DMD: variants seen among roughly 807,000 people sequenced by gnomAD.
DMD encodes dystrophin, also known as mutant dystrophin.
A neutral mutation model predicts 330.1 loss-of-function variants in DMD; 63 were observed. The observed-to-expected ratio is 0.19, with a 90% CI of 0.16 to 0.24. The LOEUF (loss-of-function observed/expected upper bound fraction) is 0.24, where lower values mean the gene tolerates loss of function less well. Among genes scored for constraint, DMD ranks in the 10% least tolerant of loss-of-function variants. The probability of loss-of-function intolerance (pLI) is 1.00; values close to 1 mark genes in which losing one functional copy is unlikely to be tolerated. For synonymous variants in DMD, 1,223 were observed against 959.8 expected, an observed-to-expected ratio of 1.27 and a Z score of -5.07; for missense variants, 3,344 against 2,684.1, an observed-to-expected ratio of 1.25 and a Z score of -5.43.
intron 52 of DMD, among the ~76,000 whole-genome samples, chrX:31,696,403 G>A (rs972309881): frequency 8.9e-6 from 1 of 111,920 alleles, no homozygotes; most frequent in Non-Finnish European, 1.9e-5. Context: ...ATGACTGTTC[G>A]ATTCCTTCAT....
chrX:32,922,965 A>T (rs1171793205), intron 2 of DMD, among the ~76,000 whole-genome samples: 1 of 112,305 alleles, frequency 8.9e-6, no homozygotes, highest in Non-Finnish European at 1.9e-5. Flanking sequence ...GTAAAATAGG[A>T]GTACTATAAC....
chrX:33,051,871 A>C (rs770719309), intron 1 of DMD, among the ~76,000 whole-genome samples: 24 of 108,737 alleles, frequency 2.2e-4, no homozygotes, highest in African/African-American at 6.7e-4. Flanking sequence ...CCAGTCTCGA[A>C]CTCCTGACCT....
intron 47 of DMD, among the ~76,000 whole-genome samples, chrX:31,894,687 A>G (rs1003627365): frequency 8.9e-6 from 1 of 112,144 alleles, no homozygotes; most frequent in African/African-American, 3.2e-5. Context: ...AAGTCTACAC[A>G]TCGCTGTCCA....
chrX:32,799,097 T>C (rs897724239), intron 7 of DMD, among the ~76,000 whole-genome samples: 2 of 111,430 alleles, frequency 1.8e-5, no homozygotes, highest in Non-Finnish European at 3.8e-5. Flanking sequence ...AAATCCTGCA[T>C]GCATACAAAG....
chrX:31,995,448 AG>A (rs2095578480), intron 44 of DMD, among the ~76,000 whole-genome samples: 1 of 112,331 alleles, frequency 8.9e-6, no homozygotes, highest in African/African-American at 3.2e-5. Flanking sequence ...CTTTATAATA[AG>A]AAAAAAGAAA....
At chrX:32,797,965 T>A (rs2076293745) in intron 7 of DMD, among the ~76,000 whole-genome samples, 1 of 111,865 alleles carries the variant, frequency 8.9e-6, no homozygotes, top group Non-Finnish European at 1.9e-5. Flanking sequence ...ACTTCATTAT[T>A]TAAATTCCCC....
At chrX:31,150,811 A>G (rs2037323890) in intron 74 of DMD, among the ~76,000 whole-genome samples, 1 of 112,246 alleles carries the variant, frequency 8.9e-6, no homozygotes, top group Admixed American at 9.4e-5. Flanking sequence ...GGAAGCAGAA[A>G]GAAAACCCAA....
chrX:31,223,176 C>A, intron 63 of DMD, 55 bp from the exon 64 acceptor site: 1 of 1,067,036 alleles, frequency 9.4e-7, no homozygotes. Flanking sequence ...TAACAGACAA[C>A]CCACCCCCGA....
intron 13 of DMD, among the ~76,000 whole-genome samples, chrX:32,580,238 C>T (rs1232461228): frequency 9.0e-6 from 1 of 111,349 alleles, no homozygotes; most frequent in Non-Finnish European, 1.9e-5. Context: ...GAGGTGGGCT[C>T]CTTACCTTTG....
At chrX:33,279,016 G>C (rs922573535) in intron 1 of DMD, among the ~76,000 whole-genome samples, 16 of 111,071 alleles carry the variant, frequency 1.4e-4, no homozygotes, top group African/African-American at 5.2e-4. Flanking sequence ...CGATCACTGA[G>C]GCAGAAAACT....
intron 41 of DMD, among the ~76,000 whole-genome samples, chrX:32,328,111 G>GA (rs1242290625): frequency 1.8e-5 from 2 of 111,222 alleles, no homozygotes; most frequent in African/African-American, 6.5e-5. Context: ...TAAAGAATGT[G>GA]AAAAAAGCAT....
At position 32,756,982 on chromosome X, in the gene DMD, G is replaced by A. The variant is rs181055217; in HGVS notation, c.649+52511C>T. Among the ~76,000 whole-genome samples, 41 of 111,588 alleles carry A rather than the reference G, an allele frequency of 3.7e-4. 1 individual carries two copies. In the Middle Eastern group the frequency reaches 0.014, roughly 39 times the overall value. On this transcript the variant is annotated intron_variant, in intron 7 of 78. Transcript: ENST00000357033. ...TCTCTTCAAGACCAAATTAGTCTTCGTCAGCAAGAAATTCCCTACAATTCA... is the reference window on the plus strand; with the variant it reads ...TCTCTTCAAGACCAAATTAGTCTTCATCAGCAAGAAATTCCCTACAATTCA...
At chrX:32,155,973 A>AACAC (rs60347530) in intron 44 of DMD, among the ~76,000 whole-genome samples, 5,838 of 95,648 alleles carry the variant, frequency 0.061, 162 homozygotes, top group South Asian at 0.093. Context: ...TTTGTCATTC[A>AACAC]ACACACACAC....
At chrX:32,778,557 G>A (rs980064025) in intron 7 of DMD, among the ~76,000 whole-genome samples, 3 of 112,120 alleles carry the variant, frequency 2.7e-5, no homozygotes, top group African/African-American at 9.7e-5. Context: ...CATCTGACAT[G>A]AGTCTTATTA....
At position 32,438,264 on chromosome X, in the gene DMD, G is replaced by A. The variant is rs1278483491; in HGVS notation, c.4048C>T (p.Arg1350Cys). 9.1e-6 allele frequency: 11 copies of A among 1,210,986 alleles called. No individual in the cohort carries two copies. The highest frequency in any genetic ancestry group is 5.9e-5 in the East Asian group (2 of 33,784). The change falls in exon 29 of 79, where the codon CGT (arginine) becomes TGT (cysteine). Residue 1350 changes from arginine to cysteine, a missense_variant. By Grantham distance (180) the Arg-to-Cys change is radical. Transcript: ENST00000357033. The part of the protein sequence containing the change: ...INEELETFNS[R>C]WRELHEEAVR... ...ACCTCTTCATGTAGTTCCCTCCAAC[G>A]AGAATTAAATGTCTCAAGTTCCTCA... is the stretch of plus-strand genomic sequence containing the variant.
intron 49 of DMD, among the ~76,000 whole-genome samples, chrX:31,825,237 A>G (rs964546530): frequency 3.6e-5 from 4 of 112,216 alleles, no homozygotes; most frequent in African/African-American, 1.3e-4. Context: ...GCAATAGGAG[A>G]CAATGAACAT....
chrX:32,031,848 A>T (rs1475789165), intron 44 of DMD, among the ~76,000 whole-genome samples: 1 of 111,841 alleles, frequency 8.9e-6, no homozygotes, highest in Non-Finnish European at 1.9e-5. Flanking sequence ...TGTCTTGCTA[A>T]TTTTTCATAT....
intron 48 of DMD, among the ~76,000 whole-genome samples, chrX:31,857,378 CGGAAAAAAAAA>C (rs1487597607): frequency 0.019 from 582 of 31,226 alleles, 7 homozygotes; most frequent in African/African-American, 0.13. Flanking sequence ...GACTCCACCT[CGGAAAAAAAAA>C]AAAAAAAAAA....
At chrX:32,009,415 T>C (rs779403148) in intron 44 of DMD, among the ~76,000 whole-genome samples, 4 of 112,393 alleles carry the variant, frequency 3.6e-5, no homozygotes, top group Non-Finnish European at 7.5e-5. Context: ...TTTTAAGTTC[T>C]TGAAATCTAT....
Sources: allele counts gnomAD v4.1 joint callset (sites outside exome capture counted in the v4.1 genomes callset), GRCh38; gene constraint gnomAD v4.1.1; transcripts MANE v1.5; gene names NCBI Gene and HGNC (gene_info 2026-07-23, HGNC 2026-07-21).